Variants in DOCK3 observed in about 807,000 individuals in gnomAD.
DOCK3 encodes the protein dedicator of cytokinesis 3.
Under a neutral mutation model 265.6 loss-of-function variants are expected in DOCK3, and 60 were observed. That is an observed-to-expected ratio of 0.23 (90% CI 0.18 to 0.28). The LOEUF is 0.28. DOCK3 is among the 10% of genes least tolerant of loss of function. The pLI, the probability that DOCK3 is intolerant of heterozygous loss-of-function variation, is 1.00. For synonymous variants in DOCK3, 881 were observed against 938.0 expected (o/e 0.94, Z 1.11); for missense variants, 1,981 against 2,594.3 (o/e 0.76, Z 5.14).
intron 49 of DOCK3, among the ~76,000 whole-genome samples, chr3:51,372,306 G>A (rs1253119432): frequency 6.6e-6 from 1 of 152,214 alleles, no homozygotes; most frequent in Non-Finnish European, 1.5e-5. Flanking sequence ...TTCATGAAAA[G>A]TAACCATCAC....
intron 3 of DOCK3, among the ~76,000 whole-genome samples, chr3:50,873,021 T>G (rs1454802405): frequency 1.3e-5 from 2 of 152,208 alleles, no homozygotes; most frequent in Non-Finnish European, 2.9e-5. Context: ...TGCTTTGTTC[T>G]GTACCCACCC....
In DOCK3 at chr3:51,326,254, AT is replaced by A. The variant is rs1175297208; in HGVS notation, c.3403-3876del. 1.7e-4 allele frequency among the ~76,000 whole-genome samples: 12 copies of A among 71,956 alleles called. No individual in the cohort carries two copies. In the East Asian group the frequency reaches 4.3e-3, roughly 26 times the overall value. 47.2% of individuals were successfully genotyped at this position (71,956 alleles called of 152,430 possible). On this transcript the variant is annotated intron_variant, in intron 32 of 52. Coordinates refer to ENST00000266037, the MANE Select transcript of DOCK3 (RefSeq NM_004947.5). ...TGTATTTTGTTAAGCTCCTAATTTT[AT>A]TTTTTTTAATTTTTTTTTTTTTTGA...
chr3:51,012,680 A>G (rs577784577), intron 5 of DOCK3, among the ~76,000 whole-genome samples: 163 of 152,144 alleles, frequency 1.1e-3, no homozygotes, highest in East Asian at 6.8e-3. Flanking sequence ...ATAAGCCCCA[A>G]TGAGATGAAC....
chr3:51,225,915 A>G (rs922071911), intron 15 of DOCK3, 142 bp downstream of exon 15: 8 of 1,159,182 alleles, frequency 6.9e-6, no homozygotes, highest in African/African-American at 4.7e-5. Flanking sequence ...TTTCTTGAAG[A>G]AAACTCTAAA....
intron 12 of DOCK3, among the ~76,000 whole-genome samples, chr3:51,193,608 A>G (rs4549311): frequency 0.91 from 138,788 of 152,168 alleles, 63,434 homozygotes; most frequent in African/African-American, 0.96. Context: ...TTATTGGTCT[A>G]TTCAGGGTTT....
intron 35 of DOCK3, among the ~76,000 whole-genome samples, chr3:51,335,101 C>T (rs1423518303): frequency 1.3e-5 from 2 of 152,112 alleles, no homozygotes; most frequent in Non-Finnish European, 2.9e-5. Context: ...GAAAATCTAC[C>T]ACGAGTGCTC....
rs2088826108 is a variant in DOCK3, at chr3:51,383,987, T to A, written c.*2428T>A. On this transcript the variant is annotated 3_prime_UTR_variant, in exon 53 of 53. Coordinates refer to ENST00000266037, the MANE Select transcript of DOCK3 (RefSeq NM_004947.5). The stretch of plus-strand genomic sequence containing the variant: ...AAGAAAAAAAGTGATTTAAAAATGA[T>A]CTTACCTGTACCAGAAAAGCAAAGT... 1 of 152,786 alleles carries A rather than the reference T, an allele frequency of 6.5e-6. No individual in the cohort carries two copies. The highest frequency in any genetic ancestry group is 6.5e-5 in the Admixed American group (1 of 15,314). The allele number at this position is 152,786 out of a possible 1,614,324, so 9.5% of individuals were successfully genotyped here. A position where few individuals can be genotyped will look rare whatever the true frequency, so the allele number is the denominator to read the frequency against.
intron 1 of DOCK3, among the ~76,000 whole-genome samples, chr3:50,722,878 G>C (rs2037563565): frequency 6.7e-6 from 1 of 149,924 alleles, no homozygotes; most frequent in Non-Finnish European, 1.5e-5. Context: ...CTCAAGGCAT[G>C]CTCCCCACTC....
chr3:51,363,412 G>C (rs976987410), intron 49 of DOCK3, among the ~76,000 whole-genome samples: 1 of 152,166 alleles, frequency 6.6e-6, no homozygotes, highest in African/African-American at 2.4e-5. Context: ...ACTTGCTCTT[G>C]CTTCCAGGCT....
chr3:50,794,573 G>A (rs1456354709), intron 2 of DOCK3, among the ~76,000 whole-genome samples: 2 of 151,872 alleles, frequency 1.3e-5, no homozygotes, highest in African/African-American at 4.8e-5. Context: ...TTTCTATTTT[G>A]TCTTGCTTGG....
chr3:51,136,382 A>G (rs1159360502), intron 9 of DOCK3, among the ~76,000 whole-genome samples: 1 of 151,730 alleles, frequency 6.6e-6, no homozygotes, highest in African/African-American at 2.4e-5. Flanking sequence ...ACCCACCACC[A>G]CACCCGGCTA....
At chr3:51,354,861 G>A (rs765498128) in intron 40 of DOCK3, 21 bp from the exon 41 acceptor site, 3 of 1,611,546 alleles carry the variant, frequency 1.9e-6, no homozygotes, top group Middle Eastern at 1.7e-4. Flanking sequence ...TACATAGAGT[G>A]TGCTCTTCTG....
At chr3:50,874,362 C>G (rs2047593378) in intron 3 of DOCK3, among the ~76,000 whole-genome samples, 1 of 151,832 alleles carries the variant, frequency 6.6e-6, no homozygotes, top group African/African-American at 2.4e-5. Context: ...AAAAAATTAG[C>G]TGGGCATGGT....
chr3:51,356,618 G>A, intron 43 of DOCK3, 125 bp downstream of exon 43: 1 of 903,362 alleles, frequency 1.1e-6, no homozygotes, highest in Non-Finnish European at 1.7e-6. Context: ...GGCTCCCACA[G>A]GTCAACCCTG....
chr3:50,794,544 G>A (rs998386634), intron 2 of DOCK3, among the ~76,000 whole-genome samples: 1 of 152,074 alleles, frequency 6.6e-6, no homozygotes, highest in African/African-American at 2.4e-5. Context: ...TCTGAAATTA[G>A]GATTGCAACC....
intron 5 of DOCK3, among the ~76,000 whole-genome samples, chr3:51,022,555 C>T (rs551991404): frequency 2.0e-5 from 3 of 152,202 alleles, no homozygotes; most frequent in Admixed American, 6.5e-5. Context: ...ATGTTACCAG[C>T]GTACACAATA....
At chr3:51,320,916 G>A (rs1343695191) in intron 32 of DOCK3, among the ~76,000 whole-genome samples, 2 of 152,170 alleles carry the variant, frequency 1.3e-5, no homozygotes, top group African/African-American at 4.8e-5. Context: ...AGACTTAAAC[G>A]TCCCTGCCTG....
At chr3:50,779,404 A>C (rs2041798429) in intron 2 of DOCK3, among the ~76,000 whole-genome samples, 1 of 151,508 alleles carries the variant, frequency 6.6e-6, no homozygotes, top group African/African-American at 2.4e-5. Flanking sequence ...TTTTTTTGAG[A>C]GGGAGCCTTG....
At chr3:51,307,070 A>ATGT (rs1466368378) in intron 27 of DOCK3, among the ~76,000 whole-genome samples, 1 of 151,972 alleles carries the variant, frequency 6.6e-6, no homozygotes, top group Admixed American at 6.5e-5. Flanking sequence ...TTATTGCTTT[A>ATGT]TGTTGTTGAT....
Sources: allele counts gnomAD v4.1 joint callset (sites outside exome capture counted in the v4.1 genomes callset), GRCh38; gene constraint gnomAD v4.1.1; transcripts MANE v1.5; gene names NCBI Gene and HGNC (gene_info 2026-07-23, HGNC 2026-07-21).